Variants in KLHL32 observed in about 807,000 individuals in gnomAD.
The protein encoded by KLHL32 is kelch-like protein 32.
In KLHL32, 35 loss-of-function variants were observed where a neutral mutation model predicts 64.8. The ratio of observed to expected loss-of-function variants is 0.54; its 90% CI spans 0.41 to 0.72. The LOEUF (loss-of-function observed/expected upper bound fraction) is 0.72. Ranked by LOEUF, KLHL32 falls within the 30% of genes least tolerant of loss-of-function variation. The pLI is 0.00. For synonymous variants in KLHL32, 259 were observed against 281.0 expected, an observed-to-expected ratio of 0.92 and a Z score of 0.78; for missense variants, 589 against 768.5, an observed-to-expected ratio of 0.77 and a Z score of 2.76.
chr6:97,007,671 C>A (rs1779834164), intron 3 of KLHL32, among the ~76,000 whole-genome samples: 2 of 152,118 alleles, frequency 1.3e-5, no homozygotes, highest in African/African-American at 4.8e-5. Context: ...GCTTTTTCAT[C>A]TTTGATACCC....
intron 7 of KLHL32, 110 bp from the exon 8 acceptor site, chr6:97,127,294 A>G: frequency 4.6e-6 from 4 of 866,974 alleles, no homozygotes; most frequent in Non-Finnish European, 7.6e-6. Flanking sequence ...GAGGGTATAC[A>G]AACAGATCCT....
intron 7 of KLHL32, among the ~76,000 whole-genome samples, chr6:97,126,243 C>T (rs1196292492): frequency 1.3e-5 from 2 of 151,868 alleles, no homozygotes; most frequent in Non-Finnish European, 2.9e-5. Context: ...ACATGTAAGG[C>T]AATATTTCTA....
the KLHL32 span, among the ~76,000 whole-genome samples, chr6:96,908,333 CA>C: frequency 6.6e-6 from 1 of 152,208 alleles, no homozygotes; most frequent in East Asian, 1.9e-4. Context: ...AACCTTGCCA[CA>C]CACAGAGGTG....
the KLHL32 span, among the ~76,000 whole-genome samples, chr6:96,906,909 A>C: frequency 6.6e-6 from 1 of 152,172 alleles, no homozygotes; most frequent in South Asian, 2.1e-4. Flanking sequence ...TGTCCAGAGA[A>C]GGCTTCCAGA....
intron 1 of KLHL32, among the ~76,000 whole-genome samples, chr6:96,949,471 C>T (rs1335137920): frequency 1.3e-5 from 2 of 152,108 alleles, no homozygotes; most frequent in Non-Finnish European, 2.9e-5. Context: ...CCTTTCTTTC[C>T]ACAGATGTAG....
chr6:97,081,921 G>A (rs987919308), intron 5 of KLHL32, among the ~76,000 whole-genome samples: 1 of 152,210 alleles, frequency 6.6e-6, no homozygotes, highest in Admixed American at 6.5e-5. Flanking sequence ...AGGGTGGATA[G>A]GGTTGCTGCA....
chr6:96,899,368 T>C, the KLHL32 span, among the ~76,000 whole-genome samples: 2 of 152,220 alleles, frequency 1.3e-5, no homozygotes, highest in Non-Finnish European at 2.9e-5. Context: ...TGCCTCATTA[T>C]GTCTATGTGC....
intron 6 of KLHL32, among the ~76,000 whole-genome samples, chr6:97,103,470 C>A (rs1432606084): frequency 6.6e-6 from 1 of 152,156 alleles, no homozygotes; most frequent in East Asian, 1.9e-4. Flanking sequence ...GCCTTGGCCT[C>A]CCAAAGTGCT....
chr6:97,083,120 C>T (rs1423864466), intron 5 of KLHL32, among the ~76,000 whole-genome samples: 1 of 152,066 alleles, frequency 6.6e-6, no homozygotes, highest in Non-Finnish European at 1.5e-5. Flanking sequence ...GGCTGGGTGC[C>T]GTGGCTCATG....
chr6:96,941,895 T>C (rs555952807), intron 1 of KLHL32, among the ~76,000 whole-genome samples: 1 of 152,350 alleles, frequency 6.6e-6, no homozygotes, highest in South Asian at 2.1e-4. Context: ...CAGGAAGTGG[T>C]TGTCCCATAA....
chr6:97,037,585 C>A (rs1391320012), intron 3 of KLHL32, among the ~76,000 whole-genome samples: 1 of 152,038 alleles, frequency 6.6e-6, no homozygotes, highest in African/African-American at 2.4e-5. Flanking sequence ...ATAATTAATG[C>A]TGCTAAAATA....
Position 97,113,622 on chromosome 6 carries a change from A to T in KLHL32, c.628-161A>T, listed in dbSNP as rs116732401. On this transcript the variant is annotated intron_variant, in intron 6 of 10. Transcript: ENST00000369261. ...TGTGTCTTTGCTGAGACGGAAAAAA[A>T]GTTCCTCACATGGGCTTCAAAATAT... is the stretch of plus-strand genomic sequence containing the variant. Among the ~76,000 whole-genome samples, 557 of 152,324 alleles carry T rather than the reference A, an allele frequency of 3.7e-3. 2 individuals are homozygous for T. Among genetic ancestry groups the T allele is most frequent in the African/African-American group, 0.012 (512 of 41,570 alleles).
chr6:96,943,087 CAT>C (rs1410535659), intron 1 of KLHL32, among the ~76,000 whole-genome samples: 6 of 151,468 alleles, frequency 4.0e-5, no homozygotes, highest in African/African-American at 1.5e-4. Flanking sequence ...CATACACACA[CAT>C]ATATGCACAT....
intron 3 of KLHL32, chr6:96,994,523 A>G: frequency 1.0e-6 from 1 of 985,300 alleles, no homozygotes; most frequent in Non-Finnish European, 1.2e-6. Flanking sequence ...TTTGAAGCTC[A>G]AGTAATTGTT....
At chr6:96,964,877 T>C (rs1437325032) in intron 1 of KLHL32, among the ~76,000 whole-genome samples, 2 of 152,234 alleles carry the variant, frequency 1.3e-5, no homozygotes, top group African/African-American at 4.8e-5. Flanking sequence ...ACTTTTATTT[T>C]GGATTTAGCA....
At chr6:96,973,181 A>T (rs1775294743) in intron 2 of KLHL32, among the ~76,000 whole-genome samples, 1 of 152,192 alleles carries the variant, frequency 6.6e-6, no homozygotes, top group South Asian at 2.1e-4. Flanking sequence ...CAGCTGAATG[A>T]TCCTGTGAAA....
intron 10 of KLHL32, among the ~76,000 whole-genome samples, chr6:97,136,999 T>C (rs1011947060): frequency 1.3e-5 from 2 of 152,188 alleles, no homozygotes; most frequent in African/African-American, 4.8e-5. Context: ...CCTGAGAAAG[T>C]CACTTAATTT....
rs538263755 is a variant in KLHL32, at chr6:97,051,843, C to T, written c.312+10244C>T. On this transcript the variant is annotated intron_variant, in intron 4 of 10. Transcript: ENST00000369261. The stretch of plus-strand genomic sequence containing the variant: ...TTTTTAAAGCACATGAACTTTTTCT[C>T]TTATTGAGAAAAAAAGAACAATTGT... Among the ~76,000 whole-genome samples the T allele has an allele frequency of 5.9e-5, 9 of 152,180 alleles. No homozygotes were observed. The East Asian group carries it at 1.5e-3, about 26-fold the overall frequency.
At chr6:97,091,981 C>CTTTTTTTTTTTTTTTTTT (rs11340950) in intron 6 of KLHL32, among the ~76,000 whole-genome samples, 1 of 132,380 alleles carries the variant, frequency 7.6e-6, no homozygotes, top group Non-Finnish European at 1.6e-5. Flanking sequence ...CTCTTTCTTT[C>CTTTTTTTTTTTTTTTTTT]TTTTTTTTTT....
Sources: allele counts gnomAD v4.1 joint callset (sites outside exome capture counted in the v4.1 genomes callset), GRCh38; gene constraint gnomAD v4.1.1; transcripts MANE v1.5; gene names NCBI Gene and HGNC (gene_info 2026-07-23, HGNC 2026-07-21).